The following SEMA3A variants were observed in gnomAD, a reference collection of about 807,000 sequenced individuals.
The protein encoded by SEMA3A is semaphorin-3A.
Under a neutral mutation model 97.9 loss-of-function variants are expected in SEMA3A, and 29 were observed. The ratio of observed to expected loss-of-function variants is 0.30; its 90% CI spans 0.22 to 0.40. SEMA3A has a LOEUF of 0.40. Among genes scored for constraint, SEMA3A ranks in the 10% least tolerant of loss-of-function variants. The pLI, the probability that SEMA3A is intolerant of heterozygous loss-of-function variation, is 1.00. For synonymous variants in SEMA3A, 321 were observed against 323.7 expected (o/e 0.99, Z 0.09); for missense variants, 763 against 951.3 (o/e 0.80, Z 2.60).
chr7:84,441,039 T>C (rs958687450), intron 1 of SEMA3A, among the ~76,000 whole-genome samples: 21 of 152,124 alleles, frequency 1.4e-4, no homozygotes, highest in African/African-American at 5.1e-4. Flanking sequence ...ATGCCTGTAA[T>C]CCCAGCTACT....
At chr7:84,342,905 A>T (rs1802205920) in intron 2 of SEMA3A, among the ~76,000 whole-genome samples, 1 of 152,218 alleles carries the variant, frequency 6.6e-6, no homozygotes. Context: ...CTATGTGAGC[A>T]AAATTATGGC....
At chr7:84,315,054 T>C (rs1012123252) in intron 2 of SEMA3A, among the ~76,000 whole-genome samples, 2 of 152,142 alleles carry the variant, frequency 1.3e-5, no homozygotes, top group African/African-American at 4.8e-5. Flanking sequence ...TTCTACTCAC[T>C]GTTCTAGCTG....
intron 2 of SEMA3A, among the ~76,000 whole-genome samples, chr7:84,326,071 T>G (rs1801769262): frequency 6.6e-6 from 1 of 152,130 alleles, no homozygotes; most frequent in Non-Finnish European, 1.5e-5. Context: ...GTTATAAAAA[T>G]TGGCAAGATG....
At chr7:84,189,836 A>T (rs1293743383) in intron 1 of SEMA3A, among the ~76,000 whole-genome samples, 5 of 151,864 alleles carry the variant, frequency 3.3e-5, no homozygotes, top group South Asian at 2.1e-4. Context: ...ACCCCAAATT[A>T]TAATACATGA....
intron 2 of SEMA3A, among the ~76,000 whole-genome samples, chr7:84,370,867 C>T (rs1343886249): frequency 2.6e-5 from 4 of 151,128 alleles, no homozygotes; most frequent in Non-Finnish European, 5.9e-5. Flanking sequence ...CTCAGTTCCC[C>T]TAAGTTTTTC....
Position 83,981,181 on chromosome 7 carries a change from C to G in SEMA3A, c.1652+140G>C. ...TGAAGAGAAGAGAAAAAACAAAACG[C>G]AACAATCCCCTCCATCTGCTCCCAA... On this transcript the variant is annotated intron_variant, in intron 14 of 16. Coordinates refer to ENST00000265362, the MANE Select transcript of SEMA3A (RefSeq NM_006080.3). The G allele has an allele frequency of 3.4e-6, 3 of 871,140 alleles. No homozygotes were observed. The East Asian group carries it at 8.2e-5, about 24-fold the overall frequency. 54.0% of individuals were successfully genotyped at this position (871,140 alleles called of 1,614,324 possible).
At chr7:84,168,906 C>T (rs1337194577) in intron 1 of SEMA3A, among the ~76,000 whole-genome samples, 1 of 151,666 alleles carries the variant, frequency 6.6e-6, no homozygotes, top group Non-Finnish European at 1.5e-5. Flanking sequence ...TCTCATATAA[C>T]TTTATGTTCT....
chr7:84,391,519 T>C (rs1010522340), intron 1 of SEMA3A, among the ~76,000 whole-genome samples: 1 of 152,018 alleles, frequency 6.6e-6, no homozygotes, highest in Non-Finnish European at 1.5e-5. Context: ...AAGTAAATAT[T>C]TTGGAACAGC....
At position 84,011,196 on chromosome 7, in the gene SEMA3A, A is replaced by G. The variant is rs749429274; in HGVS notation, c.912T>C (p.His304=). 1.9e-6 allele frequency: 3 copies of G among 1,613,208 alleles called. No homozygotes were observed. In the Admixed American group the frequency reaches 5.0e-5, roughly 27 times the overall value. ...SVPGPNGIDT[H]FDELQDVFLM... ...CTAGCTTCTTACGCAGTTCATCAAA[A>G]TGAGTGTCAATGCCATTTGGACCTG... is the stretch of plus-strand genomic sequence containing the variant. Residue 304 remains histidine, a synonymous_variant, in exon 8 of 17, where the codon CAT becomes CAC. Coordinates refer to ENST00000265362, the MANE Select transcript of SEMA3A (RefSeq NM_006080.3).
intron 4 of SEMA3A, among the ~76,000 whole-genome samples, chr7:84,090,315 C>T (rs1282684353): frequency 6.6e-6 from 1 of 152,104 alleles, no homozygotes; most frequent in African/African-American, 2.4e-5. Context: ...GATAAATTTT[C>T]ATTCAGAGAA....
intron 1 of SEMA3A, among the ~76,000 whole-genome samples, chr7:84,430,649 T>C (rs2116317747): frequency 6.6e-6 from 1 of 152,054 alleles, no homozygotes; most frequent in East Asian, 1.9e-4. Context: ...TTTGATAATT[T>C]AGCAAAAAAG....
intron 4 of SEMA3A, among the ~76,000 whole-genome samples, chr7:84,062,102 C>G (rs1457784930): frequency 6.6e-6 from 1 of 152,024 alleles, no homozygotes; most frequent in South Asian, 2.1e-4. Context: ...ATTTTAAAAG[C>G]AGCAAAATTT....
chr7:84,157,511 G>A (rs2116150265), intron 1 of SEMA3A, among the ~76,000 whole-genome samples: 1 of 152,270 alleles, frequency 6.6e-6, no homozygotes, highest in African/African-American at 2.4e-5. Context: ...GATCTGCTGG[G>A]AAAACATTAA....
chr7:84,396,597 G>C (rs1803739155), intron 1 of SEMA3A, among the ~76,000 whole-genome samples: 1 of 151,758 alleles, frequency 6.6e-6, no homozygotes, highest in African/African-American at 2.4e-5. Flanking sequence ...CAATAACCAA[G>C]TTGAAAGAAA....
chr7:84,393,811 G>A (rs1234986256), intron 1 of SEMA3A, among the ~76,000 whole-genome samples: 1 of 152,048 alleles, frequency 6.6e-6, no homozygotes, highest in East Asian at 1.9e-4. Flanking sequence ...AATGAGTAAG[G>A]TTGTTGAAGA....
chr7:84,123,357 T>C (rs540475277), intron 3 of SEMA3A, among the ~76,000 whole-genome samples: 20 of 152,018 alleles, frequency 1.3e-4, no homozygotes, highest in African/African-American at 4.8e-4. Context: ...TCCAACAGTA[T>C]TATATACTGC....
chr7:84,238,837 C>T (rs1799294963), intron 3 of SEMA3A, among the ~76,000 whole-genome samples: 1 of 152,154 alleles, frequency 6.6e-6, no homozygotes, highest in South Asian at 2.1e-4. Context: ...GACTCAGCCT[C>T]CCGAGTAGCT....
In SEMA3A at chr7:84,409,728, C is replaced by T. The variant is rs1390751429; in HGVS notation, c.-245-37828G>A. On this transcript the variant is annotated intron_variant, in intron 1 of 3. Transcript: ENST00000424555. ...GAATAATCAAGCAAATGTGTTTTCT[C>T]AATCACTGACTTTCTTGGACCAAAT... Among the ~76,000 whole-genome samples the T allele has an allele frequency of 3.9e-5, 6 of 152,176 alleles. No homozygotes were observed. The South Asian group carries it at 1.0e-3, about 26-fold the overall frequency.
intron 15 of SEMA3A, among the ~76,000 whole-genome samples, chr7:83,975,175 C>A (rs749318281): frequency 2.6e-5 from 4 of 152,016 alleles, no homozygotes; most frequent in Non-Finnish European, 4.4e-5. Context: ...ATAAAAATTC[C>A]TTTGGTCAGT....
Sources: gnomAD v4.1 joint callset for allele counts (sites outside exome capture counted in the v4.1 genomes callset) on GRCh38, gnomAD v4.1.1 for gene constraint, MANE v1.5 for transcripts, NCBI Gene and HGNC (gene_info 2026-07-23, HGNC 2026-07-21) for gene names.